The following SLC38A6 variants were observed in gnomAD, a reference collection of about 807,000 sequenced individuals.
SLC38A6 encodes the protein N system amino acid transporter NAT-1.
A neutral mutation model predicts 65.0 loss-of-function variants in SLC38A6; 73 were observed. The observed-to-expected ratio is 1.12, with a 90% CI of 0.93 to 1.37. The LOEUF (loss-of-function observed/expected upper bound fraction) is 1.37. Among genes scored for constraint, SLC38A6 ranks in the 40% most tolerant of loss-of-function variants. SLC38A6 has a pLI of 0.00. For synonymous variants in SLC38A6, 183 were observed against 178.8 expected (o/e 1.02, Z -0.19); for missense variants, 561 against 531.1 (o/e 1.06, Z -0.55).
chr14:60,998,428 G>C (rs1433220298), intron 3 of SLC38A6, among the ~76,000 whole-genome samples: 2 of 152,050 alleles, frequency 1.3e-5, no homozygotes, highest in Admixed American at 6.5e-5. Flanking sequence ...GGGACAGCTG[G>C]AGAGGAGATT....
chr14:61,030,815 T>C (rs1355199702), intron 6 of SLC38A6: 2 of 197,180 alleles, frequency 1.0e-5, no homozygotes, highest in Non-Finnish European at 2.0e-5. Flanking sequence ...GAGATGCTCT[T>C]AAGGAGGAAT....
At chr14:61,002,858 T>C (rs1595020558) in intron 3 of SLC38A6, among the ~76,000 whole-genome samples, 1 of 152,330 alleles carries the variant, frequency 6.6e-6, no homozygotes, top group African/African-American at 2.4e-5. Flanking sequence ...TGCCAAGTAC[T>C]GTTTGTATCA....
At chr14:61,076,590 G>A (rs1404365354) in intron 15 of SLC38A6, among the ~76,000 whole-genome samples, 2 of 152,220 alleles carry the variant, frequency 1.3e-5, no homozygotes, top group African/African-American at 4.8e-5. Flanking sequence ...TGTAAATAAA[G>A]TGTATCCAAC....
At chr14:61,000,125 A>G (rs923649592) in intron 3 of SLC38A6, among the ~76,000 whole-genome samples, 3 of 152,260 alleles carry the variant, frequency 2.0e-5, no homozygotes, top group African/African-American at 4.8e-5. Context: ...TTCTGCATTT[A>G]CATGGTAATT....
Position 60,981,312 on chromosome 14 carries a change from G to T in SLC38A6, c.35G>T (p.Arg12Leu). The T allele has an allele frequency of 6.2e-7, 1 of 1,610,526 alleles. No individual in the cohort carries two copies. The highest frequency in any genetic ancestry group is 8.5e-7 in the Non-Finnish European group (1 of 1,178,638). The part of the protein sequence containing the change: ...EASWGSFNAE[R>L]GWYVSVQQPE... The stretch of plus-strand genomic sequence containing the variant: ...TCCTGGGGGAGCTTCAACGCTGAGC[G>T]GGGCTGGTATGTCTCTGTCCAGCAG... The change falls in exon 1 of 16, where the codon CGG becomes CTG. Residue 12 changes from arginine (R) to leucine (L), a missense_variant. By Grantham distance (102) the Arg-to-Leu change is moderately radical. Coordinates refer to ENST00000267488, the MANE Select transcript of SLC38A6 (RefSeq NM_153811.3).
rs560792269 is a variant in SLC38A6 at position 61,012,046 on chromosome 14, T to C, written c.311-3858T>C. On this transcript the variant is annotated intron_variant, in intron 3 of 15. Transcript: ENST00000267488. ...TTTTGGTTGGTAGGCTATTAATTAT[T>C]GCCTCAATTTCAGAGCCTGTTATTG... Among the ~76,000 whole-genome samples, 6 of 152,330 alleles carry C rather than the reference T, an allele frequency of 3.9e-5. No individual in the cohort carries two copies. The East Asian group carries it at 1.2e-3, about 29-fold the overall frequency.
At chr14:60,995,755 A>G (rs904418281) in intron 3 of SLC38A6, among the ~76,000 whole-genome samples, 4 of 152,202 alleles carry the variant, frequency 2.6e-5, no homozygotes, top group African/African-American at 7.2e-5. Context: ...CCTTAAATGT[A>G]TATAATAAAA....
chr14:61,037,061 A>G lies in SLC38A6; in HGVS notation c.485A>G (p.Tyr162Cys). The change falls in exon 7 of 16, where the codon TAT (tyrosine) becomes TGT (cysteine). Residue 162 changes from tyrosine to cysteine, a missense_variant and splice_region_variant. Tyr to Cys is a radical substitution (Grantham distance 194, BLOSUM62 -2). Coordinates refer to ENST00000267488, the MANE Select transcript of SLC38A6 (RefSeq NM_153811.3). ...AEFLTGDYSR[Y>C]WYLDGQTLLI... ...AAGTAGAACTTTTTTTATAATAGATATTGGTATCTTGATGGACAAACACTA... is the reference window on the plus strand; with the variant it reads ...AAGTAGAACTTTTTTTATAATAGATGTTGGTATCTTGATGGACAAACACTA... 1.2e-6 allele frequency: 2 copies of G among 1,609,850 alleles called. No individual in the cohort carries two copies. Among genetic ancestry groups the G allele is most frequent in the Non-Finnish European group, 8.5e-7 (1 of 1,177,886 alleles).
At chr14:60,992,033 G>A (rs1298379320) in intron 3 of SLC38A6, among the ~76,000 whole-genome samples, 2 of 152,188 alleles carry the variant, frequency 1.3e-5, no homozygotes, top group African/African-American at 2.4e-5. Context: ...CCAACTAAAA[G>A]TCAGGGTTCT....
intron 3 of SLC38A6, among the ~76,000 whole-genome samples, chr14:61,007,667 A>G (rs2039246543): frequency 1.4e-5 from 2 of 147,348 alleles, no homozygotes; most frequent in South Asian, 4.3e-4. Flanking sequence ...TACATATTTA[A>G]TTGTAATATG....
chr14:61,013,001 A>T (rs961344739), intron 3 of SLC38A6, among the ~76,000 whole-genome samples: 13 of 152,102 alleles, frequency 8.5e-5, no homozygotes, highest in African/African-American at 1.2e-4. Context: ...GTCTCCCATT[A>T]TTATTGTGTG....
At chr14:61,015,426 C>G (rs1041144732) in intron 3 of SLC38A6, among the ~76,000 whole-genome samples, 3 of 152,124 alleles carry the variant, frequency 2.0e-5, no homozygotes. Flanking sequence ...TGAGATGAAC[C>G]CGGTACCTCA....
In SLC38A6 at chr14:61,052,445, A is replaced by G; in HGVS notation, c.*16A>G. On this transcript the variant is annotated 3_prime_UTR_variant, in exon 16 of 16. Transcript: ENST00000267488. ...TAATAAATAAAAGAAATATTTTCCT[A>G]CTTCTTACAAGAATAATATACCCCT... 2 of 1,559,486 alleles carry G rather than the reference A, an allele frequency of 1.3e-6. No homozygotes were observed. Among genetic ancestry groups the G allele is most frequent in the Non-Finnish European group, 8.6e-7 (1 of 1,156,350 alleles).
At chr14:61,082,015 G>C (rs2043672686) in intron 16 of SLC38A6, among the ~76,000 whole-genome samples, 1 of 152,168 alleles carries the variant, frequency 6.6e-6, no homozygotes, top group South Asian at 2.1e-4. Context: ...GTGCTGTAGT[G>C]CCTCGTGTTT....
intron 3 of SLC38A6, among the ~76,000 whole-genome samples, chr14:61,014,078 C>A (rs566523317): frequency 6.6e-6 from 1 of 152,238 alleles, no homozygotes; most frequent in South Asian, 2.1e-4. Context: ...AGGCTTTGTT[C>A]ATTTCTTTTT....
chr14:61,024,050 G>A (rs111580583), intron 5 of SLC38A6, among the ~76,000 whole-genome samples: 1 of 152,096 alleles, frequency 6.6e-6, no homozygotes, highest in African/African-American at 2.4e-5. Flanking sequence ...GGAAGAGAAA[G>A]CCCAGTATAT....
intron 15 of SLC38A6, among the ~76,000 whole-genome samples, chr14:61,075,271 T>A (rs564821385): frequency 5.9e-5 from 9 of 152,194 alleles, no homozygotes; most frequent in Non-Finnish European, 8.8e-5. Context: ...AAATACCTTG[T>A]GTGAACAGAA....
chr14:61,010,214 CTTGTTGATGCGGTTGTTT>C (rs978942548), intron 3 of SLC38A6, among the ~76,000 whole-genome samples: 47 of 152,254 alleles, frequency 3.1e-4, no homozygotes, highest in Non-Finnish European at 5.7e-4. Context: ...CCTTCGCCCA[CTTGTTGATGCGGTTGTTT>C]TTTTCTTGTA....
At chr14:61,016,469 A>G (rs1252242844) in intron 4 of SLC38A6, among the ~76,000 whole-genome samples, 1 of 152,188 alleles carries the variant, frequency 6.6e-6, no homozygotes, top group Non-Finnish European at 1.5e-5. Context: ...CCTATTTGTC[A>G]ACTATTATAT....
Sources: gnomAD v4.1 joint callset for allele counts (sites outside exome capture counted in the v4.1 genomes callset) on GRCh38, gnomAD v4.1.1 for gene constraint, MANE v1.5 for transcripts, NCBI Gene and HGNC (gene_info 2026-07-23, HGNC 2026-07-21) for gene names.